The following PAK6 variants were observed in gnomAD, a reference collection of about 807,000 sequenced individuals.
PAK6 encodes serine/threonine-protein kinase PAK 6.
In PAK6, 33 loss-of-function variants were observed where a neutral mutation model predicts 60.8. The observed-to-expected ratio is 0.54, with a 90% CI of 0.41 to 0.73. The LOEUF (loss-of-function observed/expected upper bound fraction) is 0.73, where lower values mean the gene tolerates loss of function less well. Among genes scored for constraint, PAK6 ranks in the 30% least tolerant of loss-of-function variants. The pLI is 0.00. For missense variants in PAK6, 845 were observed against 904.1 expected (o/e 0.93, Z 0.84); for synonymous variants, 404 against 378.5 (o/e 1.07, Z -0.78).
At chr15:40,273,803 C>T (rs918839632) in intron 9 of PAK6, 127 bp downstream of exon 9, 2 of 1,135,262 alleles carry the variant, frequency 1.8e-6, no homozygotes, top group Non-Finnish European at 2.5e-6. Flanking sequence ...CTAGTCAACA[C>T]CCTTCCCCCT....
At chr15:40,252,308 C>A (rs759399859) in intron 2 of PAK6, 1 of 1,236,246 alleles carries the variant, frequency 8.1e-7, no homozygotes, top group Non-Finnish European at 1.0e-6. Context: ...CAGGTCGGGT[C>A]TCCGCGAGGC....
At chr15:40,265,264 C>T (rs542152405) in intron 4 of PAK6, among the ~76,000 whole-genome samples, 7 of 152,340 alleles carry the variant, frequency 4.6e-5, no homozygotes, top group East Asian at 1.9e-4. Context: ...CAGATGACAA[C>T]GAATAGTCTT....
chr15:40,263,108 G>C (rs58440273), intron 3 of PAK6, among the ~76,000 whole-genome samples: 7,995 of 152,212 alleles, frequency 0.053, 840 homozygotes, highest in East Asian at 0.49. Context: ...TGGCTGTCCA[G>C]GGTCCCTGCC....
At chr15:40,246,275 T>G (rs1025782519) in intron 2 of PAK6, 4 of 152,184 alleles carry the variant, frequency 2.6e-5, no homozygotes, top group African/African-American at 9.7e-5. Context: ...GATCTTCTCA[T>G]TAGTGTAGAC....
intron 5 of PAK6, among the ~76,000 whole-genome samples, chr15:40,269,886 G>A (rs1311265473): frequency 6.6e-6 from 1 of 152,224 alleles, no homozygotes; most frequent in Non-Finnish European, 1.5e-5. Context: ...GCCTGTCCAC[G>A]TGGTACCCAC....
chr15:40,239,135 AG>A (rs2038244929), upstream of PAK6: 1 of 152,196 alleles, frequency 6.6e-6, no homozygotes, highest in Non-Finnish European at 1.5e-5. Flanking sequence ...GAAATCCCAA[AG>A]TGAGCCGGGG....
At chr15:40,239,245 G>C (rs1254463381), upstream of PAK6, 5 of 152,220 alleles carry the variant, frequency 3.3e-5, no homozygotes, top group East Asian at 1.9e-4. Context: ...CCCTGGGCGC[G>C]GGGCTCGGCG....
exon 6 of PAK6, chr15:40,272,697 G>A (rs758822814): frequency 1.3e-6 from 2 of 1,595,770 alleles, no homozygotes; most frequent in African/African-American, 1.3e-5. Context: ...GGAAGCAGCA[G>A]CGCAGGGAGC....
intron 5 of PAK6, among the ~76,000 whole-genome samples, chr15:40,270,663 T>G (rs184644150): frequency 1.3e-5 from 2 of 152,288 alleles, no homozygotes; most frequent in East Asian, 3.9e-4. Flanking sequence ...GGCGAGGACA[T>G]GGGAGAATGT....
chr15:40,246,209 C>G (rs772035147), intron 2 of PAK6: 6 of 152,208 alleles, frequency 3.9e-5, no homozygotes, highest in Non-Finnish European at 7.3e-5. Context: ...AGAGATGAAA[C>G]GGAGATTCTG....
At chr15:40,272,646 G>A in exon 6 of PAK6, 3 of 1,607,894 alleles carry the variant, frequency 1.9e-6, no homozygotes, top group Non-Finnish European at 2.5e-6. Context: ...CCCGGGAGAA[G>A]CACTCGGGCC....
At chr15:40,273,107 C>T in intron 7 of PAK6, 108 bp downstream of exon 7, 2 of 1,400,134 alleles carry the variant, frequency 1.4e-6, no homozygotes, top group South Asian at 1.3e-5. Context: ...GATGCCTGGG[C>T]TCCCCTGCCT....
chr15:40,274,730 C>T (rs1272730134), intron 10 of PAK6, among the ~76,000 whole-genome samples: 2 of 152,234 alleles, frequency 1.3e-5, no homozygotes, highest in Non-Finnish European at 1.5e-5. Flanking sequence ...CGTTGCACAC[C>T]CCGACACAGC....
intron 5 of PAK6, among the ~76,000 whole-genome samples, chr15:40,268,598 G>A (rs1421201384): frequency 6.6e-6 from 1 of 152,200 alleles, no homozygotes; most frequent in African/African-American, 2.4e-5. Context: ...ACAGCAGTTA[G>A]GCCACAGAGG....
rs1408564791 is a variant in PAK6 at position 40,265,831 on chromosome 15, T to TC, written c.205-6dup. 1.3e-6 allele frequency: 2 copies of TC among 1,507,000 alleles called. No individual in the cohort carries two copies. Among genetic ancestry groups the TC allele is most frequent in the Admixed American group, 2.2e-5 (1 of 44,452 alleles). 93.4% of individuals were successfully genotyped at this position (1,507,000 alleles called of 1,614,324 possible). ...GCAGCTCCCACACACTCTTTTCTCT[T>TC]CCCCCTACAGACAGTGGTGCGGGGC... On this transcript the variant is annotated splice_polypyrimidine_tract_variant and intron_variant, in intron 4 of 10. Coordinates refer to ENST00000560346, the Ensembl canonical transcript of PAK6.
exon 6 of PAK6, chr15:40,272,535 C>G (rs1442440874): frequency 3.7e-6 from 6 of 1,613,644 alleles, no homozygotes; most frequent in Non-Finnish European, 5.1e-6. Flanking sequence ...ATGAGCAGTT[C>G]AAGGCTGCGC....
intron 3 of PAK6, among the ~76,000 whole-genome samples, chr15:40,262,478 T>G (rs901100035): frequency 6.6e-6 from 1 of 152,054 alleles, no homozygotes; most frequent in African/African-American, 2.4e-5. Context: ...CACTCCAGTC[T>G]GGGCGACAGG....
At chr15:40,265,340 A>C (rs1459660229) in intron 4 of PAK6, among the ~76,000 whole-genome samples, 3 of 152,220 alleles carry the variant, frequency 2.0e-5, no homozygotes, top group Non-Finnish European at 4.4e-5. Context: ...CTCCCAGACC[A>C]GGAGAATTTT....
chr15:40,265,956 A>G (rs1482620196), exon 5 of PAK6: 15 of 1,606,320 alleles, frequency 9.3e-6, no homozygotes, highest in Non-Finnish European at 1.3e-5. Flanking sequence ...CAGCCCCACC[A>G]GCCGGCGGCG....
Sources: allele counts gnomAD v4.1 joint callset (sites outside exome capture counted in the v4.1 genomes callset), GRCh38; gene constraint gnomAD v4.1.1; transcripts MANE v1.5; gene names NCBI Gene and HGNC (gene_info 2026-07-23, HGNC 2026-07-21).